The following TDRD3 variants were observed in gnomAD, a reference collection of about 807,000 sequenced individuals.
TDRD3 encodes tudor domain-containing protein 3.
In TDRD3, 45 loss-of-function variants were observed where a neutral mutation model predicts 86.7. The observed-to-expected ratio is 0.52, with a 90% confidence interval of 0.41 to 0.67. The LOEUF (loss-of-function observed/expected upper bound fraction) is 0.67. Ranked by LOEUF, TDRD3 falls within the 30% of genes least tolerant of loss-of-function variation. TDRD3 has a pLI of 0.00. For missense variants in TDRD3, 814 were observed against 889.0 expected, an observed-to-expected ratio of 0.92 and a Z score of 1.07; for synonymous variants, 298 against 301.7, an observed-to-expected ratio of 0.99 and a Z score of 0.13.
At chr13:60,507,650 G>A (rs1315197783) in intron 8 of TDRD3, among the ~76,000 whole-genome samples, 1 of 152,064 alleles carries the variant, frequency 6.6e-6, no homozygotes, top group Non-Finnish European at 1.5e-5. Flanking sequence ...TGAGAACAAA[G>A]ACAAAAAATA....
chr13:60,486,725 T>G (rs892667440), intron 7 of TDRD3, among the ~76,000 whole-genome samples: 1 of 152,202 alleles, frequency 6.6e-6, no homozygotes, highest in Non-Finnish European at 1.5e-5. Context: ...CTAACTGTAA[T>G]TTAATTCCCA....
At chr13:60,545,407 G>A (rs1957917525) in intron 12 of TDRD3, among the ~76,000 whole-genome samples, 1 of 152,070 alleles carries the variant, frequency 6.6e-6, no homozygotes, top group South Asian at 2.1e-4. Context: ...TGTGTAATTA[G>A]GAAATTAGGG....
chr13:60,467,448 CAAT>C, intron 5 of TDRD3, 69 bp downstream of exon 5: 1 of 1,531,916 alleles, frequency 6.5e-7, no homozygotes, highest in Non-Finnish European at 8.8e-7. Context: ...AGAGCTCTTT[CAAT>C]AATGAGTAAA....
At chr13:60,496,150 A>G (rs1455479414) in intron 8 of TDRD3, among the ~76,000 whole-genome samples, 1 of 151,160 alleles carries the variant, frequency 6.6e-6, no homozygotes, top group Admixed American at 6.6e-5. Flanking sequence ...CTACATCTTT[A>G]TCCTGTGCTG....
At chr13:60,467,752 A>G (rs1287223495) in intron 5 of TDRD3, among the ~76,000 whole-genome samples, 1 of 152,190 alleles carries the variant, frequency 6.6e-6, no homozygotes, top group Non-Finnish European at 1.5e-5. Context: ...GTGCAAGTAA[A>G]AGTAAGTTAG....
chr13:60,442,832 A>G (rs1164954280), intron 2 of TDRD3, among the ~76,000 whole-genome samples: 3 of 152,012 alleles, frequency 2.0e-5, no homozygotes, highest in Non-Finnish European at 4.4e-5. Context: ...GTCCTAGATC[A>G]TATGATTCTT....
intron 12 of TDRD3, among the ~76,000 whole-genome samples, chr13:60,550,218 T>A (rs953781787): frequency 5.3e-5 from 8 of 152,138 alleles, no homozygotes; most frequent in Non-Finnish European, 1.2e-4. Flanking sequence ...ATTATGAAAT[T>A]GATGAACATC....
intron 1 of TDRD3, among the ~76,000 whole-genome samples, chr13:60,439,253 A>G (rs557503230): frequency 2.6e-5 from 4 of 152,320 alleles, no homozygotes; most frequent in African/African-American, 9.6e-5. Flanking sequence ...AGATAATGTG[A>G]GAAAGTCCAG....
At chr13:60,430,165 A>G (rs1954917196) in intron 1 of TDRD3, among the ~76,000 whole-genome samples, 1 of 152,166 alleles carries the variant, frequency 6.6e-6, no homozygotes, top group Non-Finnish European at 1.5e-5. Flanking sequence ...CTAAAAAGTG[A>G]TAGTCTCTCC....
intron 1 of TDRD3, among the ~76,000 whole-genome samples, chr13:60,406,970 G>A (rs1395870310): frequency 6.6e-6 from 1 of 152,088 alleles, no homozygotes; most frequent in Non-Finnish European, 1.5e-5. Flanking sequence ...TTCTAAGTGG[G>A]ACCATGAAGA....
intron 8 of TDRD3, 55 bp from the exon 9 acceptor site, chr13:60,509,708 T>G (rs1957016790): frequency 6.2e-7 from 1 of 1,605,834 alleles, no homozygotes; most frequent in Non-Finnish European, 8.5e-7. Context: ...GTTAAAAGTT[T>G]ATGCCTTGCC....
At chr13:60,535,064 G>T in intron 11 of TDRD3, 44 bp from the exon 12 acceptor site, 1 of 1,597,364 alleles carries the variant, frequency 6.3e-7, no homozygotes, top group Non-Finnish European at 8.5e-7. Flanking sequence ...GCCCTTTATA[G>T]ACAATACCAG....
chr13:60,518,121 C>T (rs1473530863), intron 10 of TDRD3, among the ~76,000 whole-genome samples: 1 of 152,176 alleles, frequency 6.6e-6, no homozygotes, highest in Non-Finnish European at 1.5e-5. Context: ...GGCACAGTAC[C>T]AGGTGGGAAG....
intron 10 of TDRD3, among the ~76,000 whole-genome samples, chr13:60,516,542 T>G (rs1957173764): frequency 6.6e-6 from 1 of 152,216 alleles, no homozygotes. Context: ...TACATACAAC[T>G]AATTCCACCA....
At chr13:60,486,328 G>A (rs1441110561) in intron 7 of TDRD3, among the ~76,000 whole-genome samples, 2 of 152,218 alleles carry the variant, frequency 1.3e-5, no homozygotes, top group East Asian at 3.9e-4. Flanking sequence ...AGCAACTTAT[G>A]AGAAATAGCA....
intron 13 of TDRD3, among the ~76,000 whole-genome samples, chr13:60,573,190 T>G (rs976790841): frequency 1.3e-5 from 2 of 152,098 alleles, no homozygotes; most frequent in African/African-American, 4.8e-5. Flanking sequence ...CAGACCAAAA[T>G]AAATCACCTG....
chr13:60,452,451 T>C (rs1955572598), intron 3 of TDRD3, among the ~76,000 whole-genome samples: 1 of 152,104 alleles, frequency 6.6e-6, no homozygotes, highest in Non-Finnish European at 1.5e-5. Context: ...TAAAACACCA[T>C]TTACAACAAG....
intron 1 of TDRD3, among the ~76,000 whole-genome samples, chr13:60,416,556 T>C (rs1241262398): frequency 2.6e-5 from 4 of 152,212 alleles, no homozygotes; most frequent in Non-Finnish European, 5.9e-5. Context: ...CCTTTTCTTG[T>C]TGTTGTAATG....
intron 7 of TDRD3, among the ~76,000 whole-genome samples, chr13:60,494,006 T>C (rs1022565948): frequency 2.6e-5 from 4 of 152,208 alleles, no homozygotes; most frequent in Non-Finnish European, 5.9e-5. Flanking sequence ...TTTACTAAGA[T>C]TATGCAATCA....
Sources: allele counts gnomAD v4.1 joint callset (sites outside exome capture counted in the v4.1 genomes callset), GRCh38; gene constraint gnomAD v4.1.1; transcripts MANE v1.5; gene names NCBI Gene and HGNC (gene_info 2026-07-23, HGNC 2026-07-21).